Variants in DCHS2 observed in about 807,000 individuals in gnomAD.
DCHS2 encodes dachsous cadherin-related 2, also known as protocadherin-23.
Under a neutral mutation model 182.4 loss-of-function variants are expected in DCHS2, and 142 were observed. The observed-to-expected ratio is 0.78, with a 90% CI of 0.68 to 0.89. The LOEUF is 0.89. Among genes scored for constraint, DCHS2 ranks in the 40% least tolerant of loss-of-function variants. DCHS2 has a pLI of 0.00. For missense variants in DCHS2, 4,319 were observed against 4,198.6 expected (o/e 1.03, Z -0.79); for synonymous variants, 1,740 against 1,663.3 (o/e 1.05, Z -1.12).
chr4:154,390,105 T>G (rs1195682346), intron 1 of DCHS2, among the ~76,000 whole-genome samples: 1 of 151,726 alleles, frequency 6.6e-6, no homozygotes, highest in Non-Finnish European at 1.5e-5. Context: ...TTTTTTAAAT[T>G]TTTTTATTTT....
At chr4:154,378,926 G>T (rs1041397069) in intron 1 of DCHS2, among the ~76,000 whole-genome samples, 1 of 152,056 alleles carries the variant, frequency 6.6e-6, no homozygotes, top group African/African-American at 2.4e-5. Context: ...GTTTACCCCA[G>T]GTATATGTTG....
intron 1 of DCHS2, among the ~76,000 whole-genome samples, chr4:154,486,251 C>T (rs1346068152): frequency 2.0e-5 from 3 of 152,132 alleles, no homozygotes; most frequent in Non-Finnish European, 2.9e-5. Flanking sequence ...GGAAAGGTCT[C>T]GTCAGGGCAT....
rs549846742 is a variant in DCHS2, at chr4:154,348,702, A to G, written c.2477-13598T>C. 1.6e-4 allele frequency among the ~76,000 whole-genome samples: 24 copies of G among 152,100 alleles called. No homozygotes were observed. The South Asian group carries it at 5.0e-3, about 31-fold the overall frequency. On this transcript the variant is annotated intron_variant, in intron 3 of 19. Transcript: ENST00000357232. Reference sequence around the variant, plus strand: ...ACTGCCATAGACCAAGGAGTGCCAAAGATCACCAACAAACACCAGAAGCTA... The same window carrying G: ...ACTGCCATAGACCAAGGAGTGCCAAGGATCACCAACAAACACCAGAAGCTA...
chr4:154,291,908 C>G (rs114771262), intron 13 of DCHS2, among the ~76,000 whole-genome samples: 1 of 151,880 alleles, frequency 6.6e-6, no homozygotes. Context: ...GGGTTCCTAC[C>G]GTCAACAATA....
intron 5 of DCHS2, among the ~76,000 whole-genome samples, chr4:154,330,618 C>T (rs942806511): frequency 6.6e-6 from 1 of 151,908 alleles, no homozygotes; most frequent in Non-Finnish European, 1.5e-5. Flanking sequence ...AAGCAGCTAC[C>T]GACAAACATT....
At chr4:154,311,374 G>A (rs1186046548) in intron 10 of DCHS2, among the ~76,000 whole-genome samples, 5 of 151,990 alleles carry the variant, frequency 3.3e-5, no homozygotes, top group South Asian at 2.1e-4. Flanking sequence ...TGAGACTACA[G>A]GAGCATGCCA....
chr4:154,389,415 A>G (rs1040237706), intron 1 of DCHS2, among the ~76,000 whole-genome samples: 1 of 150,248 alleles, frequency 6.7e-6, no homozygotes, highest in Non-Finnish European at 1.5e-5. Flanking sequence ...AGTCCAGTGC[A>G]TATCAGGGGC....
intron 5 of DCHS2, among the ~76,000 whole-genome samples, chr4:154,332,106 AG>A (rs1736560853): frequency 6.6e-6 from 1 of 152,220 alleles, no homozygotes; most frequent in Non-Finnish European, 1.5e-5. Flanking sequence ...CAAATGGAAA[AG>A]GATGGTTGTT....
intron 12 of DCHS2, among the ~76,000 whole-genome samples, chr4:154,304,364 A>C (rs1229134324): frequency 6.6e-6 from 1 of 152,146 alleles, no homozygotes; most frequent in Non-Finnish European, 1.5e-5. Flanking sequence ...TGGCTGTGAG[A>C]AGGAGGTAGA....
chr4:154,454,051 A>G (rs1288983158), intron 1 of DCHS2, among the ~76,000 whole-genome samples: 1 of 152,224 alleles, frequency 6.6e-6, no homozygotes, highest in East Asian at 1.9e-4. Flanking sequence ...AATATTAAAT[A>G]GAAACTATAA....
intron 16 of DCHS2, among the ~76,000 whole-genome samples, chr4:154,247,620 A>G (rs776677328): frequency 1.4e-4 from 19 of 136,244 alleles, no homozygotes; most frequent in Admixed American, 6.6e-4. Context: ...CTGGGTGAAG[A>G]GCAAGACTCC....
At chr4:154,414,159 A>G (rs1210048397) in intron 1 of DCHS2, among the ~76,000 whole-genome samples, 1 of 149,696 alleles carries the variant, frequency 6.7e-6, no homozygotes, top group Non-Finnish European at 1.5e-5. Context: ...TTTCTTGAAG[A>G]AATAAATCAA....
chr4:154,491,430 C>A lies in DCHS2; in HGVS notation c.-75G>T. The A allele has an allele frequency of 7.0e-7, 1 of 1,438,506 alleles. No homozygotes were observed. The highest frequency in any genetic ancestry group is 9.1e-7 in the Non-Finnish European group (1 of 1,097,860). 89.1% of individuals were successfully genotyped at this position (1,438,506 alleles called of 1,614,324 possible). A position where few individuals can be genotyped will look rare whatever the true frequency, so the allele number is the denominator to read the frequency against. ...CAGGATCGCAGAAAAATCCAGGAGC[C>A]TCTTCAGTGTCTGAGCCAGAGAAGA... On this transcript the variant is annotated 5_prime_UTR_variant, in exon 1 of 20. It adds an upstream start codon to the 5' untranslated region. Transcript: ENST00000357232.
intron 1 of DCHS2, among the ~76,000 whole-genome samples, chr4:154,435,286 A>G (rs1447109869): frequency 2.0e-5 from 3 of 152,224 alleles, no homozygotes; most frequent in Admixed American, 2.0e-4. Context: ...TTACTATGCC[A>G]GATAACATTT....
intron 1 of DCHS2, among the ~76,000 whole-genome samples, chr4:154,409,045 G>A (rs540669369): frequency 1.3e-5 from 2 of 152,294 alleles, no homozygotes; most frequent in East Asian, 1.9e-4. Context: ...GACAAGCCAA[G>A]CAGTCAAGCA....
chr4:154,272,475 GTGGGAGGTGA>G (rs1238325820), intron 13 of DCHS2, among the ~76,000 whole-genome samples: 1 of 152,226 alleles, frequency 6.6e-6, no homozygotes, highest in African/African-American at 2.4e-5. Context: ...GAGGCACCAG[GTGGGAGGTGA>G]TGGGATCATG....
chr4:154,390,351 T>G (rs1462847046), intron 1 of DCHS2, among the ~76,000 whole-genome samples: 1 of 146,892 alleles, frequency 6.8e-6, no homozygotes, highest in African/African-American at 2.5e-5. Context: ...CACCTATGAG[T>G]GAGAATATGC....
At chr4:154,275,602 C>A (rs1329940342) in intron 13 of DCHS2, among the ~76,000 whole-genome samples, 1 of 152,056 alleles carries the variant, frequency 6.6e-6, no homozygotes, top group Non-Finnish European at 1.5e-5. Context: ...TTTATCCCCA[C>A]TGCTCAAAGT....
chr4:154,291,438 TGTTAG>T (rs1222933526), intron 13 of DCHS2, among the ~76,000 whole-genome samples: 6 of 152,140 alleles, frequency 3.9e-5, no homozygotes, highest in Non-Finnish European at 7.4e-5. Context: ...GCAATTGCAC[TGTTAG>T]GTTATATACT....
Sources: allele counts gnomAD v4.1 joint callset (sites outside exome capture counted in the v4.1 genomes callset), GRCh38; gene constraint gnomAD v4.1.1; transcripts MANE v1.5; gene names NCBI Gene and HGNC (gene_info 2026-07-23, HGNC 2026-07-21).